PNPLA7: variants seen among roughly 807,000 people sequenced by gnomAD.
PNPLA7 encodes the protein patatin like domain 7, lysophospholipase.
Under a neutral mutation model 161.7 loss-of-function variants are expected in PNPLA7, and 153 were observed. The observed-to-expected ratio is 0.95, with a 90% CI of 0.83 to 1.08. The LOEUF is 1.08. Ranked by LOEUF, PNPLA7 falls within the 50% of genes least tolerant of loss-of-function variation. The pLI, the probability that PNPLA7 is intolerant of heterozygous loss-of-function variation, is 0.00. For synonymous variants in PNPLA7, 809 were observed against 782.1 expected, an observed-to-expected ratio of 1.03 and a Z score of -0.57; for missense variants, 1,739 against 1,856.6, an observed-to-expected ratio of 0.94 and a Z score of 1.16.
intron 12 of PNPLA7, 97 bp from the exon 13 acceptor site, chr9:137,506,180 G>C: frequency 1.0e-6 from 1 of 969,292 alleles, no homozygotes; most frequent in Non-Finnish European, 1.6e-6. Context: ...TAACCACACA[G>C]ACCCCGGCAG....
rs1371059969 is a variant in PNPLA7 at position 137,547,583 on chromosome 9, A to T, written c.105+2T>A. On this transcript the variant is annotated splice_donor_variant, in intron 2 of 34. Transcript: ENST00000406427. LOFTEE classifies it high-confidence loss of function. The surrounding 1 kb of genome is among the most constrained non-coding windows in gnomAD (Gnocchi z 4.6). The stretch of plus-strand genomic sequence containing the variant: ...GGCTCCAGGGAAGCGTGAGGTGATT[A>T]CCATGGTGGACGGTGAACCTTCCTC... 6 of 1,613,274 alleles carry T rather than the reference A, an allele frequency of 3.7e-6. No homozygotes were observed. The highest frequency in any genetic ancestry group is 5.1e-6 in the Non-Finnish European group (6 of 1,179,828).
rs1372373918 is a variant in PNPLA7 at position 137,484,648 on chromosome 9, C to G, written c.2286G>C (p.Val762=). The stretch of plus-strand genomic sequence containing the variant: ...AGGCGGTGAGGGGCACTTCCTCTGA[C>G]ACGGGCATCACTGCCACCGTGGACA... The part of the protein sequence containing the change: ...VNLSTVAVMP[V]SEEVPLTAFA... Residue 762 remains valine, a synonymous_variant, in exon 21 of 35, where the codon GTG becomes GTC. Transcript: ENST00000406427. 6.2e-7 allele frequency: 1 copy of G among 1,612,620 alleles called. No homozygotes were observed. The highest frequency in any genetic ancestry group is 1.7e-5 in the Admixed American group (1 of 59,922).
Position 137,460,468 on chromosome 9 carries a change from C to G in PNPLA7, c.3954G>C (p.Glu1318Asp). The change falls in exon 35 of 35, where the codon GAG (glutamate) becomes GAC (aspartate). Residue 1318 changes from glutamate to aspartate, a missense_variant. By Grantham distance (45) the Glu-to-Asp change is conservative. Coordinates refer to ENST00000406427, the MANE Select transcript of PNPLA7 (RefSeq NM_001098537.3). ...TGGGGTGTCGATGCCGCAGTGAGGA[C>G]TCGTCCTCCTGCAAGCAGACCGCAT... is the stretch of plus-strand genomic sequence containing the variant. ...SAQQGSDLED[E>D]SSLRHRHPSL... 1 of 1,612,540 alleles carries G rather than the reference C, an allele frequency of 6.2e-7. No homozygotes were observed. The highest frequency in any genetic ancestry group is 8.5e-7 in the Non-Finnish European group (1 of 1,179,906).
At chr9:137,488,355 G>A (rs954820123) in intron 20 of PNPLA7, among the ~76,000 whole-genome samples, 2 of 152,234 alleles carry the variant, frequency 1.3e-5, no homozygotes, top group African/African-American at 4.8e-5. Context: ...GTCCTCATTT[G>A]AGGCGGAATG....
chr9:137,468,220 G>A lies in PNPLA7; in HGVS notation c.2883-747C>T, dbSNP rs995837816. Among the ~76,000 whole-genome samples the A allele has an allele frequency of 1.3e-4, 19 of 151,008 alleles. No individual in the cohort carries two copies. The highest frequency in any genetic ancestry group is 4.1e-4 in the African/African-American group (17 of 41,056). On this transcript the variant is annotated intron_variant, in intron 25 of 34. Transcript: ENST00000406427. The surrounding 1 kb of genome is among the most constrained non-coding windows in gnomAD (Gnocchi z 4.0). ...GGGGCACCCCCGAGACCAGGCAGCC[G>A]GCACCCAGGGCCTCTAATTGCTACT...
In PNPLA7 at chr9:137,479,183, A is replaced by C. The variant is rs1167822698; in HGVS notation, c.2636T>G (p.Leu879Arg). The C allele has an allele frequency of 6.4e-7, 1 of 1,563,636 alleles. No homozygotes were observed. Among genetic ancestry groups the C allele is most frequent in the Non-Finnish European group, 8.7e-7 (1 of 1,155,134 alleles). The change falls in exon 24 of 35, where the codon CTG becomes CGG. Residue 879 changes from leucine to arginine, a missense_variant. Physicochemically the swap from Leu to Arg is moderately radical, Grantham distance 102. This residue lies in a region of PNPLA7 where 703 missense variants were observed against 694.6 expected (regional missense o/e 1.01). Coordinates refer to ENST00000406427, the MANE Select transcript of PNPLA7 (RefSeq NM_001098537.3). ...AVRAQKQLIL[L>R]HREEGPAPAR... ...TGGCGCCGGGCCCTCCTCCCTGTGC[A>C]GCAGGATCAGCTGCTTCTGGGCACG...
Position 137,498,171 on chromosome 9 carries a change from C to T in PNPLA7, c.1832G>A (p.Arg611Gln), listed in dbSNP as rs139817588. 2.1e-4 allele frequency: 336 copies of T among 1,613,000 alleles called. 3 individuals are homozygous for T. In the East Asian group the frequency reaches 5.7e-3, roughly 28 times the overall value. ...TVVKRMSSFV[R>Q]QIDFALDWVE... ...CCAGTCCAGGGCAAAGTCGATTTGCCGCACGAAGGACGACATCCTCTTCAC... is the reference window on the plus strand; with the variant it reads ...CCAGTCCAGGGCAAAGTCGATTTGCTGCACGAAGGACGACATCCTCTTCAC... Residue 611 changes from arginine to glutamine, a missense_variant, in exon 17 of 35, where the codon CGG (arginine) becomes CAG (glutamine). Physicochemically the swap from Arg to Gln is conservative, Grantham distance 43. Transcript: ENST00000406427.
In PNPLA7 at chr9:137,461,991, G is replaced by C; in HGVS notation, c.3696C>G (p.Ser1232Arg). 1 of 1,602,470 alleles carries C rather than the reference G, an allele frequency of 6.2e-7. No homozygotes were observed. The highest frequency in any genetic ancestry group is 8.5e-7 in the Non-Finnish European group (1 of 1,177,000). ...CGCGGAGCATCTTCTCCAGCACGCC[G>C]CTGCGGCCCCAGATGTCAAACACCG... ...GRTVFDIWGR[S>R]GVLEKMLRDQ... Residue 1232 changes from serine to arginine, a missense_variant, in exon 32 of 35, where the codon AGC becomes AGG. Physicochemically the swap from Ser to Arg is moderately radical, Grantham distance 110 (BLOSUM62 -1). Around this residue, in one of 6 missense-constraint regions of PNPLA7, gnomAD observed 703 missense variants for 694.6 expected, o/e 1.01. Transcript: ENST00000406427.
intron 20 of PNPLA7, chr9:137,492,407 G>T: frequency 1.8e-6 from 1 of 567,286 alleles, no homozygotes; most frequent in Non-Finnish European, 2.2e-6. Context: ...TGCCCACATT[G>T]AGATACAGTT....
chr9:137,543,579 G>A lies in PNPLA7; in HGVS notation c.366-7C>T. ...CTTCTTGAAACGCAGAATCCTACAA[G>A]GCAGAGACACACTAGCCTTGAGCAG... On this transcript the variant is annotated splice_polypyrimidine_tract_variant and splice_region_variant and intron_variant, in intron 5 of 34. Transcript: ENST00000406427. This position sits in a 1 kb window ranked among gnomAD's most constrained non-coding sequence, Gnocchi z 6.9. The A allele has an allele frequency of 6.2e-7, 1 of 1,610,340 alleles. No homozygotes were observed.
Position 137,540,966 on chromosome 9 carries a change from A to G in PNPLA7, c.667-244T>C. The G allele has an allele frequency of 2.1e-6, 1 of 468,864 alleles. No individual in the cohort carries two copies. Among genetic ancestry groups the G allele is most frequent in the Non-Finnish European group, 3.9e-6 (1 of 254,100 alleles). The allele number at this position is 468,864 out of a possible 1,614,324, so 29.0% of individuals were successfully genotyped here. ...GGAGACCCCACCTCTCCATCCCATG[A>G]CTCGTCTTCAATGTGGGGACTGAGG... On this transcript the variant is annotated intron_variant, in intron 7 of 34. Coordinates refer to ENST00000406427, the MANE Select transcript of PNPLA7 (RefSeq NM_001098537.3). The surrounding 1 kb of genome is among the most constrained non-coding windows in gnomAD (Gnocchi z 5.1).
At chr9:137,461,011 G>T (rs1046597650) in intron 33 of PNPLA7, 6 of 454,384 alleles carry the variant, frequency 1.3e-5, no homozygotes, top group Non-Finnish European at 2.4e-5. Flanking sequence ...AGCACCCTGA[G>T]GGCTCCAGCA....
intron 31 of PNPLA7, 52 bp downstream of exon 31, chr9:137,462,127 G>C (rs991978843): frequency 2.6e-6 from 4 of 1,526,696 alleles, no homozygotes; most frequent in Non-Finnish European, 3.5e-6. Flanking sequence ...AGGAGGGGCA[G>C]CCACCAGAGT....
intron 12 of PNPLA7, among the ~76,000 whole-genome samples, chr9:137,506,495 G>A (rs769461964): frequency 1.5e-4 from 23 of 152,140 alleles, no homozygotes; most frequent in Non-Finnish European, 2.5e-4. Context: ...GGATGCTGCC[G>A]CCCTCTGTAT....
rs1266071307 is a variant in PNPLA7, at chr9:137,460,645, C to T, written c.3934G>A (p.Gly1312Ser). The T allele has an allele frequency of 1.9e-6, 3 of 1,612,322 alleles. No individual in the cohort carries two copies. Among genetic ancestry groups the T allele is most frequent in the African/African-American group, 1.3e-5 (1 of 74,938 alleles). The change falls in exon 34 of 35, where the codon GGC becomes AGC. Residue 1312 changes from glycine to serine, a missense_variant. This residue lies in a region of PNPLA7 where 703 missense variants were observed against 694.6 expected (regional missense o/e 1.01). Coordinates refer to ENST00000406427, the MANE Select transcript of PNPLA7 (RefSeq NM_001098537.3). ...ADFQSTSAQQ[G>S]SDLEDESSLR... ...GCCCAGCTCCTCACCAAGTCTGAGC[C>T]CTGCTGGGCTGAGGTGCTCTGGAAG...
Position 137,490,746 on chromosome 9 carries a change from C to T in PNPLA7, c.2197+2267G>A, listed in dbSNP as rs982728343. On this transcript the variant is annotated intron_variant, in intron 20 of 34. Coordinates refer to ENST00000406427, the MANE Select transcript of PNPLA7 (RefSeq NM_001098537.3). The surrounding 1 kb of genome is among the most constrained non-coding windows in gnomAD (Gnocchi z 4.1). ...CGCAAATGAAAGAAGAGCAGGAGGA[C>T]GGTGACCCTGGGTGAACATCACAGA... Among the ~76,000 whole-genome samples the T allele has an allele frequency of 6.6e-6, 1 of 152,194 alleles. No homozygotes were observed. Among genetic ancestry groups the T allele is most frequent in the Non-Finnish European group, 1.5e-5 (1 of 68,042 alleles).
chr9:137,496,571 C>T (rs2132255989), intron 18 of PNPLA7, among the ~76,000 whole-genome samples: 1 of 152,096 alleles, frequency 6.6e-6, no homozygotes, highest in South Asian at 2.1e-4. Flanking sequence ...ATTAGCCGGG[C>T]GTGGTGGCGC....
At chr9:137,519,324 C>T (rs1008497916) in intron 11 of PNPLA7, among the ~76,000 whole-genome samples, 2 of 152,234 alleles carry the variant, frequency 1.3e-5, no homozygotes, top group Non-Finnish European at 2.9e-5. Context: ...AGATTCAGGC[C>T]CCCCGGTTAG....
Position 137,520,135 on chromosome 9 carries a change from C to T in PNPLA7, c.958-92G>A. The stretch of plus-strand genomic sequence containing the variant: ...TCCTCAAAGGTGTGACAGGTGTGGG[C>T]TCCTCAAAGGTGTGACAGGTGTGGG... On this transcript the variant is annotated intron_variant, in intron 10 of 34. Transcript: ENST00000406427. This position sits in a 1 kb window ranked among gnomAD's most constrained non-coding sequence, Gnocchi z 5.2. The T allele has an allele frequency of 1.3e-6, 2 of 1,551,926 alleles. No individual in the cohort carries two copies. The highest frequency in any genetic ancestry group is 1.7e-6 in the Non-Finnish European group (2 of 1,149,726).
Sources: gnomAD v4.1 joint callset for allele counts (sites outside exome capture counted in the v4.1 genomes callset) on GRCh38, gnomAD v4.1.1 for gene constraint, gnomAD v4.1.1 regional missense constraint, Gnocchi (gnomAD v3.1) non-coding constraint, MANE v1.5 for transcripts, NCBI Gene and HGNC (gene_info 2026-07-23, HGNC 2026-07-21) for gene names.